Variants in ANO10 observed in about 807,000 individuals in gnomAD.
ANO10 encodes the protein anoctamin 10, also known as anoctamin-10.
A neutral mutation model predicts 74.7 loss-of-function variants in ANO10; 77 were observed. The observed-to-expected ratio is 1.03, with a 90% CI of 0.86 to 1.25. The LOEUF is 1.25. ANO10 is among the 50% of genes most tolerant of loss of function. The pLI is 0.00. For synonymous variants in ANO10, 279 were observed against 284.9 expected (o/e 0.98, Z 0.21); for missense variants, 721 against 778.1 (o/e 0.93, Z 0.87).
At chr3:43,554,111 G>A (rs2149322701) in intron 10 of ANO10, among the ~76,000 whole-genome samples, 1 of 150,918 alleles carries the variant, frequency 6.6e-6, no homozygotes, top group South Asian at 2.1e-4. Flanking sequence ...TGTCACCTTG[G>A]TAGTGGCATC....
intron 11 of ANO10, among the ~76,000 whole-genome samples, chr3:43,523,005 CATTATCAGCTTCT>C (rs2078026727): frequency 6.6e-6 from 1 of 152,208 alleles, no homozygotes; most frequent in Non-Finnish European, 1.5e-5. Context: ...GGAGTACCTG[CATTATCAGCTTCT>C]ATAGTGGGAG....
rs2091421648 is a variant in ANO10 at position 43,366,696 on chromosome 3, G to A, written c.*210C>T. Reference sequence around the variant, plus strand: ...GGAAGGAACTGGGAAGGAGCAGACAGGGTGGGGCTGGGGGAACTGCCAAGG... The same window carrying A: ...GGAAGGAACTGGGAAGGAGCAGACAAGGTGGGGCTGGGGGAACTGCCAAGG... On this transcript the variant is annotated 3_prime_UTR_variant, in exon 13 of 13. Coordinates refer to ENST00000292246, the MANE Select transcript of ANO10 (RefSeq NM_018075.5). 1 of 626,160 alleles carries A rather than the reference G, an allele frequency of 1.6e-6. No individual in the cohort carries two copies. Among genetic ancestry groups the A allele is most frequent in the Non-Finnish European group, 2.9e-6 (1 of 347,586 alleles). 38.8% of individuals were successfully genotyped at this position (626,160 alleles called of 1,614,324 possible). A position where few individuals can be genotyped will look rare whatever the true frequency, so the allele number is the denominator to read the frequency against.
At chr3:43,690,381 G>GT (rs1173866789) in intron 1 of ANO10, 2 of 152,300 alleles carry the variant, frequency 1.3e-5, no homozygotes, top group Non-Finnish European at 2.9e-5. Context: ...ACCCTCCCAG[G>GT]TATCTAGAGA....
intron 1 of ANO10, among the ~76,000 whole-genome samples, chr3:43,653,404 T>C (rs2083810911): frequency 6.6e-6 from 1 of 152,142 alleles, no homozygotes; most frequent in Non-Finnish European, 1.5e-5. Context: ...TGGTAAAGAT[T>C]TGAAAGAAGT....
chr3:43,465,640 G>A (rs2075579272), intron 11 of ANO10, among the ~76,000 whole-genome samples: 1 of 152,020 alleles, frequency 6.6e-6, no homozygotes, highest in African/African-American at 2.4e-5. Flanking sequence ...ACAACAGGGT[G>A]AGACTTCATC....
intron 4 of ANO10, among the ~76,000 whole-genome samples, chr3:43,584,916 G>A (rs2081411289): frequency 6.6e-6 from 1 of 152,094 alleles, no homozygotes; most frequent in Non-Finnish European, 1.5e-5. Flanking sequence ...ATCACATTGG[G>A]CAGACTAAAG....
chr3:43,422,796 T>C (rs2092838786), intron 12 of ANO10, among the ~76,000 whole-genome samples: 1 of 152,222 alleles, frequency 6.6e-6, no homozygotes, highest in Non-Finnish European at 1.5e-5. Context: ...AGCAAACCAA[T>C]GAGATAAGTA....
chr3:43,369,523 T>C (rs2091531368), intron 12 of ANO10, among the ~76,000 whole-genome samples: 1 of 152,246 alleles, frequency 6.6e-6, no homozygotes, highest in African/African-American at 2.4e-5. Flanking sequence ...TGGAGTGTTC[T>C]GTGATCCCCA....
chr3:43,687,451 G>A (rs565880612), intron 1 of ANO10, among the ~76,000 whole-genome samples: 1 of 152,226 alleles, frequency 6.6e-6, no homozygotes, highest in South Asian at 2.1e-4. Context: ...TTGGAGGGCT[G>A]GAAATTAAAG....
At chr3:43,390,937 T>C (rs75507005) in intron 12 of ANO10, among the ~76,000 whole-genome samples, 15,684 of 151,898 alleles carry the variant, frequency 0.1, 984 homozygotes, top group Non-Finnish European at 0.14. Context: ...TGGGGAGGAG[T>C]ATAAGAATTT....
chr3:43,473,354 C>T lies in ANO10; in HGVS notation c.1798-40627G>A, dbSNP rs1015215360. On this transcript the variant is annotated intron_variant, in intron 11 of 12. Coordinates refer to ENST00000292246, the MANE Select transcript of ANO10 (RefSeq NM_018075.5). ...CTCTCCTCCTGGATGTCATAAGCCA[C>T]GTTCTTCCTCACTGCTAGGCTCCTG... is the stretch of plus-strand genomic sequence containing the variant. Among the ~76,000 whole-genome samples, 8 of 152,140 alleles carry T rather than the reference C, an allele frequency of 5.3e-5. 1 individual carries two copies. Among genetic ancestry groups the T allele is most frequent in the Admixed American group, 4.6e-4 (7 of 15,278 alleles).
chr3:43,558,278 T>C (rs547449308), intron 9 of ANO10, among the ~76,000 whole-genome samples: 1 of 152,350 alleles, frequency 6.6e-6, no homozygotes, highest in Non-Finnish European at 1.5e-5. Context: ...TATCATTTAG[T>C]AGAAGGCAGT....
rs543201992 is a variant in ANO10, at chr3:43,493,072, T to C, written c.1797+56648A>G. On this transcript the variant is annotated intron_variant, in intron 11 of 12. Coordinates refer to ENST00000292246, the MANE Select transcript of ANO10 (RefSeq NM_018075.5). Reference sequence around the variant, plus strand: ...TCAATGATAGACTGGATGAAGAAAATGTGGCACATATACACCATGGAATAC... The same window carrying C: ...TCAATGATAGACTGGATGAAGAAAACGTGGCACATATACACCATGGAATAC... Among the ~76,000 whole-genome samples, 7 of 152,158 alleles carry C rather than the reference T, an allele frequency of 4.6e-5. No homozygotes were observed. The East Asian group carries it at 1.2e-3, about 25-fold the overall frequency.
rs189215508 is a variant in ANO10, at chr3:43,517,737, G to A, written c.1797+31983C>T. Among the ~76,000 whole-genome samples the A allele has an allele frequency of 5.7e-3, 861 of 152,226 alleles. 4 individuals are homozygous for A. Among genetic ancestry groups the A allele is most frequent in the Non-Finnish European group, 7.2e-3 (489 of 68,016 alleles). ...TATTGTGCAAACTAATGCATACTAC[G>A]TGTGACCAAAATGAGCTTGCATCTC... On this transcript the variant is annotated intron_variant, in intron 11 of 12. Coordinates refer to ENST00000292246, the MANE Select transcript of ANO10 (RefSeq NM_018075.5).
chr3:43,584,244 T>C (rs145803879), intron 4 of ANO10, among the ~76,000 whole-genome samples: 47 of 152,314 alleles, frequency 3.1e-4, no homozygotes, highest in African/African-American at 9.9e-4. Flanking sequence ...AACCCCAATA[T>C]GCATGTAAGG....
At chr3:43,535,521 G>A (rs2078675802) in intron 11 of ANO10, among the ~76,000 whole-genome samples, 1 of 152,058 alleles carries the variant, frequency 6.6e-6, no homozygotes, top group Non-Finnish European at 1.5e-5. Context: ...TGATCCACCT[G>A]CTTTGGCCTC....
chr3:43,605,612 A>G (rs2149494417), intron 2 of ANO10, 102 bp downstream of exon 2: 1 of 1,447,010 alleles, frequency 6.9e-7, no homozygotes, highest in East Asian at 2.3e-5. Flanking sequence ...ATTATAAAAC[A>G]CATTTGCAAA....
At chr3:43,577,368 C>T in intron 5 of ANO10, 107 bp from the exon 6 acceptor site, 1 of 1,105,444 alleles carries the variant, frequency 9.0e-7, no homozygotes, top group Non-Finnish European at 1.3e-6. Flanking sequence ...TCATTCAACC[C>T]TCACTTCCCA....
At chr3:43,598,719 TCCAATTACC>T in intron 3 of ANO10, 53 bp from the exon 4 acceptor site, 1 of 1,382,406 alleles carries the variant, frequency 7.2e-7, no homozygotes, top group African/African-American at 1.4e-5. Flanking sequence ...ATAAAAATAT[TCCAATTACC>T]TGAGATTACA....
Sources: gnomAD v4.1 joint callset for allele counts (sites outside exome capture counted in the v4.1 genomes callset) on GRCh38, gnomAD v4.1.1 for gene constraint, MANE v1.5 for transcripts, NCBI Gene and HGNC (gene_info 2026-07-23, HGNC 2026-07-21) for gene names.